Variants in UPF3B observed in about 807,000 individuals in gnomAD.
The protein encoded by UPF3B is regulator of nonsense transcripts 3B.
UPF3B carries 7 observed loss-of-function variants against 40.3 expected under a neutral mutation model. That is an observed-to-expected ratio of 0.17 (90% CI 0.10 to 0.33). UPF3B has a LOEUF of 0.33. Among genes scored for constraint, UPF3B ranks in the 10% least tolerant of loss-of-function variants. The pLI, the probability that UPF3B is intolerant of heterozygous loss-of-function variation, is 1.00. For synonymous variants in UPF3B, 117 were observed against 117.3 expected, an observed-to-expected ratio of 1.00 and a Z score of 0.01; for missense variants, 229 against 358.9, an observed-to-expected ratio of 0.64 and a Z score of 2.93.
intron 5 of UPF3B, among the ~76,000 whole-genome samples, chrX:119,810,676 C>T (rs749390599): frequency 1.1e-4 from 12 of 111,808 alleles, no homozygotes; most frequent in Admixed American, 9.6e-4. Flanking sequence ...AGCAAAGGTT[C>T]TGCTCACGCC....
intron 6 of UPF3B, 122 bp downstream of exon 6, chrX:119,841,613 A>T: frequency 2.7e-6 from 2 of 731,151 alleles, no homozygotes; most frequent in Non-Finnish European, 2.1e-6. Flanking sequence ...GCAAATCCTT[A>T]AAGAGTAATG....
At chrX:119,844,595 C>T (rs1603371267) in intron 4 of UPF3B, among the ~76,000 whole-genome samples, 1 of 109,846 alleles carries the variant, frequency 9.1e-6, no homozygotes, top group African/African-American at 3.3e-5. Context: ...GATTTTTTTC[C>T]ACTATTTTCT....
chrX:119,810,612 G>C (rs893144985), intron 5 of UPF3B, among the ~76,000 whole-genome samples: 1 of 111,876 alleles, frequency 8.9e-6, no homozygotes, highest in African/African-American at 3.2e-5. Context: ...GAAAGCCAAA[G>C]CTTTAGCAGA....
At chrX:119,836,004 C>A (rs1366545082) in intron 10 of UPF3B, among the ~76,000 whole-genome samples, 1 of 110,076 alleles carries the variant, frequency 9.1e-6, no homozygotes, top group Non-Finnish European at 1.9e-5. Flanking sequence ...CAAAAGAGAA[C>A]TGAAGAAGAC....
At position 119,840,966 on chromosome X, in the gene UPF3B, C is replaced by T. The variant is rs1319442114; in HGVS notation, c.807+110G>A. 5 of 928,237 alleles carry T rather than the reference C, an allele frequency of 5.4e-6. No individual in the cohort carries two copies. In the African/African-American group the frequency reaches 9.9e-5, roughly 18 times the overall value. The allele number at this position is 928,237 out of a possible 1,213,427, so 76.5% of individuals were successfully genotyped here. A position where few individuals can be genotyped will look rare whatever the true frequency, so the allele number is the denominator to read the frequency against. On this transcript the variant is annotated intron_variant, in intron 7 of 10. Transcript: ENST00000276201. ...TGGATCACTTCCCCCCAAAAGAGAA[C>T]AAAAACAAAACAAAAAATTCATTTA...
Position 119,834,470 on chromosome X carries a change from C to T in UPF3B, c.*408G>A. 1 of 855,081 alleles carries T rather than the reference C, an allele frequency of 1.2e-6. No individual in the cohort carries two copies. The highest frequency in any genetic ancestry group is 1.4e-6 in the Non-Finnish European group (1 of 702,219). 70.5% of individuals were successfully genotyped at this position (855,081 alleles called of 1,213,427 possible). ...ACAATACAATAGAATTAGATCGGAACAAGGCTTCAAAGCGACTCTGCTCCA... is the reference window on the plus strand; with the variant it reads ...ACAATACAATAGAATTAGATCGGAATAAGGCTTCAAAGCGACTCTGCTCCA... On this transcript the variant is annotated 3_prime_UTR_variant, in exon 11 of 11. Coordinates refer to ENST00000276201, the MANE Select transcript of UPF3B (RefSeq NM_080632.3).
intron 4 of UPF3B, among the ~76,000 whole-genome samples, chrX:119,818,818 A>G (rs1032806394): frequency 9.0e-6 from 1 of 111,382 alleles, no homozygotes; most frequent in Non-Finnish European, 1.9e-5. Context: ...GTTGGCACCA[A>G]CCAATAGATC....
chrX:119,812,041 G>A (rs1261664072), intron 5 of UPF3B, among the ~76,000 whole-genome samples: 2 of 111,473 alleles, frequency 1.8e-5, no homozygotes, highest in Non-Finnish European at 3.8e-5. Context: ...ATCACTTGAG[G>A]TGAGGAATTG....
chrX:119,827,882 C>T (rs143922535), intron 3 of UPF3B, among the ~76,000 whole-genome samples: 55 of 110,120 alleles, frequency 5.0e-4, no homozygotes, highest in African/African-American at 1.7e-3. Flanking sequence ...CAGGCACCCA[C>T]CATCATGCTC....
chrX:119,824,151 G>A (rs1249083267), intron 3 of UPF3B, among the ~76,000 whole-genome samples: 1 of 99,832 alleles, frequency 1.0e-5, no homozygotes, highest in Non-Finnish European at 2.0e-5. Context: ...TTCACTGGTT[G>A]ATCTGGCTGA....
At chrX:119,823,298 G>A (rs1209951839) in intron 3 of UPF3B, among the ~76,000 whole-genome samples, 1 of 111,441 alleles carries the variant, frequency 9.0e-6, no homozygotes, top group Non-Finnish European at 1.9e-5. Flanking sequence ...GTGTCAGCCA[G>A]GCTGCAGTGC....
intron 4 of UPF3B, among the ~76,000 whole-genome samples, chrX:119,818,190 A>G (rs947982885): frequency 1.8e-5 from 2 of 111,080 alleles, no homozygotes; most frequent in Non-Finnish European, 3.8e-5. Flanking sequence ...GCTTGAACCC[A>G]GGAGGCGGAG....
chrX:119,831,801 T>A, downstream of UPF3B: 1 of 567,854 alleles, frequency 1.8e-6, no homozygotes, highest in Non-Finnish European at 2.1e-6. Context: ...ACAATGCTAC[T>A]AAGCTTTTAC....
At chrX:119,813,608 C>T (rs1361660411) in intron 5 of UPF3B, among the ~76,000 whole-genome samples, 35 of 104,492 alleles carry the variant, frequency 3.3e-4, no homozygotes, top group Non-Finnish European at 4.3e-4. Context: ...GTCACCCAGG[C>T]TGGAGTGCAG....
At chrX:119,815,898 T>C (rs2055861015) in intron 4 of UPF3B, among the ~76,000 whole-genome samples, 1 of 111,134 alleles carries the variant, frequency 9.0e-6, no homozygotes, top group African/African-American at 3.3e-5. Flanking sequence ...TCTCCTGCCT[T>C]AGTCTGCTGA....
Position 119,852,782 on chromosome X carries a change from C to A in UPF3B, c.147G>T (p.Ala49=). The A allele has an allele frequency of 1.6e-6, 2 of 1,212,464 alleles. No individual in the cohort carries two copies. Among genetic ancestry groups the A allele is most frequent in the Non-Finnish European group, 2.2e-6 (2 of 895,680 alleles). The change falls in exon 1 of 11, where the codon GCG becomes GCT. Residue 49 remains alanine (A), a synonymous_variant. Transcript: ENST00000276201. ...KQDRNKEKKE[A]LSKVVIRRLP... ...GCGGCCGACCGGGCACCTTGCTCAG[C>A]GCTTCTTTCTTCTCCTTGTTGCGAT...
chrX:119,836,336 C>T (rs1334674550), intron 10 of UPF3B, among the ~76,000 whole-genome samples: 3 of 111,476 alleles, frequency 2.7e-5, no homozygotes, highest in Non-Finnish European at 1.9e-5. Flanking sequence ...GCCTAGATGA[C>T]AGAGCGAGAC....
chrX:119,841,655 C>A (rs1196641582), intron 6 of UPF3B, 80 bp downstream of exon 6: 1 of 966,310 alleles, frequency 1.0e-6, no homozygotes, highest in African/African-American at 1.9e-5. Context: ...CCTCTAGAAA[C>A]CCAATGCTCT....
chrX:119,815,410 C>T, intron 4 of UPF3B: 1 of 279,885 alleles, frequency 3.6e-6, no homozygotes, highest in Non-Finnish European at 4.9e-6. Context: ...AAAGTCCAGT[C>T]ATTTAAGACC....
Sources: gnomAD v4.1 joint callset for allele counts (sites outside exome capture counted in the v4.1 genomes callset) on GRCh38, gnomAD v4.1.1 for gene constraint, MANE v1.5 for transcripts, NCBI Gene and HGNC (gene_info 2026-07-23, HGNC 2026-07-21) for gene names.